The following KLHL3 variants were observed in gnomAD, a reference collection of about 807,000 sequenced individuals.
KLHL3 encodes the protein kelch like family member 3, also known as kelch-like protein 3.
In KLHL3, 19 loss-of-function variants were observed where a neutral mutation model predicts 70.5. That is an observed-to-expected ratio of 0.27 (90% CI 0.19 to 0.40). KLHL3 has a LOEUF of 0.40. Ranked by LOEUF, KLHL3 falls within the 10% of genes least tolerant of loss-of-function variation. The pLI is 1.00. For synonymous variants in KLHL3, 258 were observed against 290.3 expected, an observed-to-expected ratio of 0.89 and a Z score of 1.13; for missense variants, 512 against 771.1, an observed-to-expected ratio of 0.66 and a Z score of 3.98.
rs556610823 is a variant in KLHL3, at chr5:137,634,180, G to A, written c.1322-15C>T. On this transcript the variant is annotated splice_polypyrimidine_tract_variant and intron_variant, in intron 11 of 14. Coordinates refer to ENST00000309755, the MANE Select transcript of KLHL3 (RefSeq NM_017415.3). ...ATATAGCTTCCCTGCAATAGACAAA[G>A]TGGCTGAGTGTGGTGCCAGGGATAC... The A allele has an allele frequency of 1.9e-6, 3 of 1,591,552 alleles. No homozygotes were observed. Among genetic ancestry groups the A allele is most frequent in the Admixed American group, 3.4e-5 (2 of 58,042 alleles).
intron 6 of KLHL3, among the ~76,000 whole-genome samples, chr5:137,670,227 C>G (rs916861): frequency 1.3e-5 from 2 of 151,930 alleles, no homozygotes; most frequent in African/African-American, 4.8e-5. Flanking sequence ...ATATCTAATA[C>G]AAAAACTGTT....
chr5:137,706,093 C>T (rs951646922), intron 3 of KLHL3: 10 of 985,114 alleles, frequency 1.0e-5, no homozygotes, highest in Non-Finnish European at 1.2e-5. Context: ...GGACAATGGT[C>T]AAGAAGTGTG....
At chr5:137,728,521 TG>T (rs1753120840) in intron 1 of KLHL3, among the ~76,000 whole-genome samples, 1 of 152,090 alleles carries the variant, frequency 6.6e-6, no homozygotes, top group Non-Finnish European at 1.5e-5. Context: ...TCCCCTGCAT[TG>T]ATGACACAGA....
intron 3 of KLHL3, among the ~76,000 whole-genome samples, chr5:137,699,868 G>A (rs1381082800): frequency 6.6e-6 from 1 of 152,218 alleles, no homozygotes; most frequent in Non-Finnish European, 1.5e-5. Context: ...AGTACAGCAT[G>A]TGGGCTGCAG....
chr5:137,733,381 T>C (rs1272485955), intron 1 of KLHL3, among the ~76,000 whole-genome samples: 1 of 152,220 alleles, frequency 6.6e-6, no homozygotes, highest in East Asian at 1.9e-4. Context: ...ACAAAAGTTA[T>C]TAGCTAATCA....
chr5:137,691,697 G>A (rs924406337), intron 5 of KLHL3, among the ~76,000 whole-genome samples: 3 of 151,074 alleles, frequency 2.0e-5, no homozygotes, highest in South Asian at 2.1e-4. Context: ...TGCAAGCTCC[G>A]CCTCCCGGAT....
intron 14 of KLHL3, among the ~76,000 whole-genome samples, chr5:137,623,824 G>T (rs1750383284): frequency 6.6e-6 from 1 of 152,188 alleles, no homozygotes; most frequent in African/African-American, 2.4e-5. Flanking sequence ...AGACAACAGG[G>T]GTTCAGTATG....
chr5:137,632,144 T>C (rs564386367), intron 12 of KLHL3, among the ~76,000 whole-genome samples: 5 of 152,120 alleles, frequency 3.3e-5, no homozygotes, highest in African/African-American at 7.2e-5. Context: ...CTCATAGAAT[T>C]AGAAAAAACA....
intron 11 of KLHL3, among the ~76,000 whole-genome samples, chr5:137,636,652 T>C (rs1170986629): frequency 6.6e-6 from 1 of 152,210 alleles, no homozygotes; most frequent in Non-Finnish European, 1.5e-5. Context: ...GGAGAGAATC[T>C]GAGGCCTGCC....
Position 137,720,498 on chromosome 5 carries a change from C to T in KLHL3, c.101G>A (p.Gly34Glu), listed in dbSNP as rs1752977262. ...RTITVNPAHMGKAFKVMNELR... is the reference protein window; with the variant it reads ...RTITVNPAHMEKAFKVMNELR... ...TTCATTCATAACCTTGAATGCTTTC[C>T]CCATGTGGGCAGGGTTGACAGTGAT... Residue 34 changes from glycine to glutamate, a missense_variant, in exon 2 of 15, where the codon GGG (glycine) becomes GAG (glutamate). Coordinates refer to ENST00000309755, the MANE Select transcript of KLHL3 (RefSeq NM_017415.3). The T allele has an allele frequency of 6.2e-7, 1 of 1,614,134 alleles. No homozygotes were observed. Among genetic ancestry groups the T allele is most frequent in the Non-Finnish European group, 8.5e-7 (1 of 1,180,012 alleles).
intron 2 of KLHL3, among the ~76,000 whole-genome samples, chr5:137,718,168 C>G (rs1752930491): frequency 6.6e-6 from 1 of 152,174 alleles, no homozygotes; most frequent in Admixed American, 6.5e-5. Context: ...CTTAAGGGAA[C>G]TAGCATTTCT....
At chr5:137,709,113 T>C (rs1271544517) in intron 3 of KLHL3, among the ~76,000 whole-genome samples, 3 of 152,246 alleles carry the variant, frequency 2.0e-5, no homozygotes, top group South Asian at 2.1e-4. Context: ...CTATTGGGCA[T>C]GCCCAGTAAA....
chr5:137,690,589 C>T (rs1215975834), intron 5 of KLHL3, among the ~76,000 whole-genome samples: 1 of 152,110 alleles, frequency 6.6e-6, no homozygotes, highest in Non-Finnish European at 1.5e-5. Flanking sequence ...TCACAAAAAT[C>T]ATCATATCAA....
At chr5:137,674,690 C>T (rs895703543) in intron 6 of KLHL3, among the ~76,000 whole-genome samples, 1 of 152,178 alleles carries the variant, frequency 6.6e-6, no homozygotes, top group African/African-American at 2.4e-5. Context: ...TTTTCTGCAA[C>T]TGTTAACATT....
chr5:137,668,883 T>A (rs938078072), intron 6 of KLHL3, among the ~76,000 whole-genome samples: 3 of 149,936 alleles, frequency 2.0e-5, no homozygotes, highest in Non-Finnish European at 4.5e-5. Context: ...TTAGAATGTT[T>A]TTTAGCGAGC....
At chr5:137,645,793 GA>G (rs56383453) in intron 8 of KLHL3, among the ~76,000 whole-genome samples, 147,766 of 150,814 alleles carry the variant, frequency 0.98, 72,468 homozygotes, top group South Asian at 1. Flanking sequence ...ACAAAAATAA[GA>G]AAAAAAAAAA....
At chr5:137,702,887 A>G (rs574986873) in intron 3 of KLHL3, among the ~76,000 whole-genome samples, 35 of 152,316 alleles carry the variant, frequency 2.3e-4, no homozygotes, top group Middle Eastern at 6.8e-3. Flanking sequence ...CCAAGTCTTC[A>G]TTCTAGATCC....
chr5:137,700,748 G>C (rs1015387065), intron 3 of KLHL3, among the ~76,000 whole-genome samples: 11 of 152,072 alleles, frequency 7.2e-5, no homozygotes, highest in African/African-American at 2.7e-4. Flanking sequence ...AGAAAAAAAT[G>C]ATGTGAAAGA....
At position 137,718,889 on chromosome 5, in the gene KLHL3, A is replaced by G. The variant is rs558932575; in HGVS notation, c.134+1576T>C. The stretch of plus-strand genomic sequence containing the variant: ...CAAATTTAATTTAACTTGGTTATTA[A>G]TGCCAAAGACTAGGCCCTGTAGAAA... On this transcript the variant is annotated intron_variant, in intron 2 of 14. Coordinates refer to ENST00000309755, the MANE Select transcript of KLHL3 (RefSeq NM_017415.3). Among the ~76,000 whole-genome samples, 14 of 152,376 alleles carry G rather than the reference A, an allele frequency of 9.2e-5. 1 individual carries two copies. In the South Asian group the frequency reaches 2.7e-3, roughly 29 times the overall value.
Sources: allele counts gnomAD v4.1 joint callset (sites outside exome capture counted in the v4.1 genomes callset), GRCh38; gene constraint gnomAD v4.1.1; transcripts MANE v1.5; gene names NCBI Gene and HGNC (gene_info 2026-07-23, HGNC 2026-07-21).